MYO10: variants seen among roughly 807,000 people sequenced by gnomAD.
The protein encoded by MYO10 is unconventional myosin-X.
A neutral mutation model predicts 257.3 loss-of-function variants in MYO10; 133 were observed. The observed-to-expected ratio is 0.52, with a 90% CI of 0.45 to 0.60. The LOEUF (loss-of-function observed/expected upper bound fraction) is 0.60, where lower values mean the gene tolerates loss of function less well. Ranked by LOEUF, MYO10 falls within the 20% of genes least tolerant of loss-of-function variation. The pLI is 0.00. For synonymous variants in MYO10, 1,104 were observed against 1,028.6 expected (o/e 1.07, Z -1.40); for missense variants, 2,399 against 2,635.7 (o/e 0.91, Z 1.97).
At chr5:16,820,369 A>G (rs527260539) in intron 2 of MYO10, among the ~76,000 whole-genome samples, 34 of 152,286 alleles carry the variant, frequency 2.2e-4, no homozygotes, top group Non-Finnish European at 1.5e-4. Context: ...CTTCCAAAGA[A>G]AAGTGCCGAC....
At position 16,764,356 on chromosome 5, in the gene MYO10, G is replaced by A. The variant is rs74389230; in HGVS notation, c.1220C>T (p.Ala407Val). ...CTTGATTACCCACTCAAAGCAGCAC[G>A]CATACAGAGCCATGGCCAGGGAGTC... ...SRDSLAMALY[A>V]CCFEWVIKKI... Residue 407 changes from alanine (A) to valine (V), a missense_variant, in exon 12 of 41, where the codon GCG becomes GTG. Physicochemically the swap from Ala to Val is moderately conservative, Grantham distance 64. Coordinates refer to ENST00000513610, the MANE Select transcript of MYO10 (RefSeq NM_012334.3). 34 of 1,613,916 alleles carry A rather than the reference G, an allele frequency of 2.1e-5. No homozygotes were observed. The East Asian group carries it at 4.5e-4, about 21-fold the overall frequency.
intron 1 of MYO10, among the ~76,000 whole-genome samples, chr5:16,904,684 C>T (rs1745472671): frequency 6.6e-6 from 1 of 152,100 alleles, no homozygotes; most frequent in Non-Finnish European, 1.5e-5. Flanking sequence ...AATCCCAGCA[C>T]TTTGGGAGGC....
At chr5:16,799,725 C>A (rs549457747) in intron 3 of MYO10, among the ~76,000 whole-genome samples, 2 of 152,258 alleles carry the variant, frequency 1.3e-5, no homozygotes, top group Admixed American at 1.3e-4. Context: ...AACTCCTGAC[C>A]TCAGGTGATC....
chr5:16,761,441 T>C (rs1298222991), intron 17 of MYO10, 23 bp downstream of exon 17: 1 of 1,570,800 alleles, frequency 6.4e-7, no homozygotes, highest in Admixed American at 1.7e-5. Context: ...GCTAAGTACT[T>C]CTCGGTGAGA....
intron 26 of MYO10, among the ~76,000 whole-genome samples, chr5:16,699,188 T>A (rs1461691556): frequency 6.6e-6 from 1 of 152,120 alleles, no homozygotes; most frequent in Non-Finnish European, 1.5e-5. Flanking sequence ...CCTGCCACTC[T>A]GCACCAAACC....
intron 31 of MYO10, 148 bp downstream of exon 31, chr5:16,681,720 TATA>T (rs1737010543): frequency 1.7e-6 from 2 of 1,161,884 alleles, no homozygotes; most frequent in Non-Finnish European, 2.4e-6. Flanking sequence ...AGAAACACTT[TATA>T]ATATCACAAA....
At chr5:16,926,592 C>T (rs138418787) in intron 1 of MYO10, among the ~76,000 whole-genome samples, 1,636 of 152,012 alleles carry the variant, frequency 0.011, 17 homozygotes, top group Non-Finnish European at 0.016. Flanking sequence ...ATCCCAGCTA[C>T]GTGGGAGGCT....
At chr5:16,749,036 G>C (rs1373973346) in intron 19 of MYO10, among the ~76,000 whole-genome samples, 3 of 152,056 alleles carry the variant, frequency 2.0e-5, no homozygotes. Flanking sequence ...CAAGGCTCAC[G>C]TGACCTCCCT....
chr5:16,867,935 A>C (rs1384818904), intron 2 of MYO10, among the ~76,000 whole-genome samples: 1 of 152,176 alleles, frequency 6.6e-6, no homozygotes, highest in African/African-American at 2.4e-5. Context: ...AATATTTTGG[A>C]AGACCCTATA....
chr5:16,932,710 T>A (rs139792900), intron 1 of MYO10, among the ~76,000 whole-genome samples: 24 of 152,328 alleles, frequency 1.6e-4, no homozygotes, highest in African/African-American at 5.5e-4. Flanking sequence ...GTCAGCTGAC[T>A]GGCACAAGCT....
intron 1 of MYO10, among the ~76,000 whole-genome samples, chr5:16,883,993 G>A (rs1280871052): frequency 6.6e-6 from 1 of 152,174 alleles, no homozygotes; most frequent in Non-Finnish European, 1.5e-5. Flanking sequence ...ATCTCCCACA[G>A]CTGTTTCTCT....
chr5:16,849,895 A>C (rs1185098675), intron 2 of MYO10, among the ~76,000 whole-genome samples: 1 of 152,160 alleles, frequency 6.6e-6, no homozygotes, highest in Non-Finnish European at 1.5e-5. Flanking sequence ...ATCTGCTTTG[A>C]CCCAAAAACA....
Position 16,666,655 on chromosome 5 carries a change from G to A in MYO10, c.*37C>T, listed in dbSNP as rs770765341. The A allele has an allele frequency of 4.2e-5, 65 of 1,533,742 alleles. No individual in the cohort carries two copies. The highest frequency in any genetic ancestry group is 1.7e-4 in the Middle Eastern group (1 of 5,944). On this transcript the variant is annotated 3_prime_UTR_variant, in exon 41 of 41. Coordinates refer to ENST00000513610, the MANE Select transcript of MYO10 (RefSeq NM_012334.3). The stretch of plus-strand genomic sequence containing the variant: ...GCCAGCCTAGGCCAGAGGGTGGTGC[G>A]TTCAGGTAGCAAAGACAGGTGGGCT...
chr5:16,926,679 G>T (rs183195417), intron 1 of MYO10, among the ~76,000 whole-genome samples: 69 of 149,240 alleles, frequency 4.6e-4, no homozygotes, highest in African/African-American at 1.6e-3. Context: ...TCCAGCCTGG[G>T]CGAAAGAGGA....
At chr5:16,705,541 A>G (rs916284024) in intron 21 of MYO10, among the ~76,000 whole-genome samples, 3 of 152,244 alleles carry the variant, frequency 2.0e-5, no homozygotes, top group Non-Finnish European at 2.9e-5. Flanking sequence ...GAAATTTTGA[A>G]TGATTCCCTA....
chr5:16,783,224 G>T (rs574174914), intron 5 of MYO10, 111 bp downstream of exon 5: 3 of 1,093,810 alleles, frequency 2.7e-6, no homozygotes, highest in Non-Finnish European at 3.8e-6. Context: ...TTGTAAAAGA[G>T]AAGTCAAGAA....
chr5:16,726,949 T>C (rs1739390184), intron 19 of MYO10, among the ~76,000 whole-genome samples: 1 of 152,222 alleles, frequency 6.6e-6, no homozygotes, highest in Non-Finnish European at 1.5e-5. Flanking sequence ...AAATACTTAC[T>C]ATCTTGCCAG....
chr5:16,750,963 C>G (rs1386804259), intron 19 of MYO10, among the ~76,000 whole-genome samples: 1 of 152,112 alleles, frequency 6.6e-6, no homozygotes, highest in Non-Finnish European at 1.5e-5. Flanking sequence ...CCATTGCACT[C>G]CAGCCTGGGT....
intron 19 of MYO10, among the ~76,000 whole-genome samples, chr5:16,734,715 G>T (rs867121919): frequency 1.3e-5 from 2 of 151,252 alleles, no homozygotes; most frequent in Non-Finnish European, 2.9e-5. Context: ...TAAGGCAGGA[G>T]AATCACTTGA....
Sources: gnomAD v4.1 joint callset for allele counts (sites outside exome capture counted in the v4.1 genomes callset) on GRCh38, gnomAD v4.1.1 for gene constraint, MANE v1.5 for transcripts, NCBI Gene and HGNC (gene_info 2026-07-23, HGNC 2026-07-21) for gene names.